The following ADARB2 variants were observed in gnomAD, a reference collection of about 807,000 sequenced individuals.
ADARB2 encodes adenosine deaminase RNA specific B2 (inactive), also known as inactive double-stranded RNA-specific editase B2.
ADARB2 carries 25 observed loss-of-function variants against 62.2 expected under a neutral mutation model. The ratio of observed to expected loss-of-function variants is 0.40; its 90% CI spans 0.29 to 0.56. The LOEUF (loss-of-function observed/expected upper bound fraction) is 0.56. Among genes scored for constraint, ADARB2 ranks in the 20% least tolerant of loss-of-function variants. The probability of loss-of-function intolerance (pLI) is 0.43; values close to 1 mark genes in which losing one functional copy is unlikely to be tolerated. For synonymous variants in ADARB2, 572 were observed against 500.8 expected, an observed-to-expected ratio of 1.14 and a Z score of -1.90; for missense variants, 1,071 against 1,077.4, an observed-to-expected ratio of 0.99 and a Z score of 0.08.
chr10:1,418,835 A>C (rs934568861), intron 1 of ADARB2, among the ~76,000 whole-genome samples: 21 of 147,010 alleles, frequency 1.4e-4, no homozygotes, highest in Non-Finnish European at 2.6e-4. Flanking sequence ...AAAAAAAAAA[A>C]TCTATGTCTT....
chr10:1,279,188 A>T (rs765918689), intron 3 of ADARB2, among the ~76,000 whole-genome samples: 1 of 151,880 alleles, frequency 6.6e-6, no homozygotes, highest in Non-Finnish European at 1.5e-5. Flanking sequence ...CGGCCAGGTC[A>T]GTTTCTTTCT....
At chr10:1,657,006 T>TGC (rs1027275919) in intron 1 of ADARB2, among the ~76,000 whole-genome samples, 4 of 151,136 alleles carry the variant, frequency 2.6e-5, no homozygotes, top group South Asian at 2.1e-4. Context: ...GTGTTTTGTG[T>TGC]GTGTGTGTGT....
chr10:1,282,549 A>G (rs1395907322), intron 3 of ADARB2, among the ~76,000 whole-genome samples: 1 of 152,256 alleles, frequency 6.6e-6, no homozygotes, highest in African/African-American at 2.4e-5. Context: ...ATAGGGAGAC[A>G]TACTTCTTTA....
chr10:1,185,035 C>G lies in ADARB2; in HGVS notation c.1869G>C (p.Val623=). 1 of 1,611,326 alleles carries G rather than the reference C, an allele frequency of 6.2e-7. No individual in the cohort carries two copies. The highest frequency in any genetic ancestry group is 1.1e-5 in the South Asian group (1 of 90,940). ...YRHNRPLLSG[V]SDAEARQPGK... is the part of the protein sequence containing the mutation. ...CCGGCTGGCGCGCCTCGGCGTCACT[C>G]ACGCCTGTCGGGGAGATGGGGAAAG... Residue 623 remains valine (V), a synonymous_variant, in exon 9 of 10, where the codon GTG becomes GTC. Transcript: ENST00000381312.
chr10:1,227,113 G>A (rs941158871), intron 6 of ADARB2, among the ~76,000 whole-genome samples: 2 of 152,206 alleles, frequency 1.3e-5, no homozygotes, highest in Non-Finnish European at 2.9e-5. Context: ...AATGGCGGGC[G>A]CCCCTCCCCC....
chr10:1,442,563 G>A (rs942746399), intron 1 of ADARB2, among the ~76,000 whole-genome samples: 3 of 152,176 alleles, frequency 2.0e-5, no homozygotes, highest in Non-Finnish European at 4.4e-5. Context: ...AATAATGACA[G>A]TGTTATTCCA....
intron 1 of ADARB2, among the ~76,000 whole-genome samples, chr10:1,405,020 C>A (rs1387312747): frequency 6.6e-6 from 1 of 152,214 alleles, no homozygotes; most frequent in African/African-American, 2.4e-5. Flanking sequence ...CCGGCGCCTG[C>A]GTGGAGGATC....
chr10:1,222,326 A>G (rs1830702413), intron 6 of ADARB2, among the ~76,000 whole-genome samples: 1 of 152,166 alleles, frequency 6.6e-6, no homozygotes. Context: ...CCTTTGTCAG[A>G]TGAGTAGGTT....
At chr10:1,387,875 A>G (rs144615091) in intron 1 of ADARB2, among the ~76,000 whole-genome samples, 125 of 152,200 alleles carry the variant, frequency 8.2e-4, no homozygotes, top group African/African-American at 2.9e-3. Context: ...GTTCATCCCT[A>G]TATAAAAATG....
At chr10:1,688,244 C>T (rs1379180738) in intron 1 of ADARB2, among the ~76,000 whole-genome samples, 1 of 152,212 alleles carries the variant, frequency 6.6e-6, no homozygotes, top group African/African-American at 2.4e-5. Flanking sequence ...CAGCCTCACA[C>T]CTCATGGTGC....
At chr10:1,248,231 C>G (rs1465355205) in intron 4 of ADARB2, among the ~76,000 whole-genome samples, 1 of 151,076 alleles carries the variant, frequency 6.6e-6, no homozygotes, top group African/African-American at 2.4e-5. Flanking sequence ...GAGCTGTGGG[C>G]ACTCCCAGGC....
chr10:1,371,784 T>TA (rs71379114), intron 2 of ADARB2, among the ~76,000 whole-genome samples: 1,607 of 125,768 alleles, frequency 0.013, 37 homozygotes, highest in African/African-American at 0.046. Flanking sequence ...TATTAAAAAG[T>TA]AAAAAAAAAA....
intron 3 of ADARB2, among the ~76,000 whole-genome samples, chr10:1,303,463 T>C (rs1831594597): frequency 6.6e-6 from 1 of 152,130 alleles, no homozygotes; most frequent in Non-Finnish European, 1.5e-5. Flanking sequence ...TGCAGGATAT[T>C]ATCCAGGAGA....
At chr10:1,736,900 A>G in intron 1 of ADARB2, 151 bp downstream of exon 1, 2 of 709,396 alleles carry the variant, frequency 2.8e-6, no homozygotes, top group Non-Finnish European at 4.7e-6. Context: ...CGGGATCTGA[A>G]CTCCCGAGCG....
intron 3 of ADARB2, among the ~76,000 whole-genome samples, chr10:1,347,268 C>T (rs909394585): frequency 1.3e-5 from 2 of 152,178 alleles, no homozygotes; most frequent in Non-Finnish European, 2.9e-5. Flanking sequence ...TGCAGTGAGT[C>T]GTGTCAGAGG....
chr10:1,303,918 T>C (rs918424450), intron 3 of ADARB2, among the ~76,000 whole-genome samples: 1 of 152,024 alleles, frequency 6.6e-6, no homozygotes, highest in African/African-American at 2.4e-5. Context: ...CACTGCAAAA[T>C]CATGCCAAAA....
chr10:1,232,094 G>T (rs1303200453), intron 6 of ADARB2, among the ~76,000 whole-genome samples: 1 of 152,116 alleles, frequency 6.6e-6, no homozygotes, highest in African/African-American at 2.4e-5. Context: ...GTCTGCCAGA[G>T]ATTTCCTCCC....
chr10:1,375,239 T>C (rs192311880), intron 2 of ADARB2, among the ~76,000 whole-genome samples: 1 of 152,172 alleles, frequency 6.6e-6, no homozygotes, highest in African/African-American at 2.4e-5. Flanking sequence ...TGGGCGGTGG[T>C]CAGCAGAGAG....
At chr10:1,656,504 A>G (rs886588108) in intron 1 of ADARB2, among the ~76,000 whole-genome samples, 1 of 151,354 alleles carries the variant, frequency 6.6e-6, no homozygotes, top group Non-Finnish European at 1.5e-5. Flanking sequence ...GGTTGGGGGA[A>G]AGAGAGAGAG....
Sources: allele counts gnomAD v4.1 joint callset (sites outside exome capture counted in the v4.1 genomes callset), GRCh38; gene constraint gnomAD v4.1.1; transcripts MANE v1.5; gene names NCBI Gene and HGNC (gene_info 2026-07-23, HGNC 2026-07-21).